KDM4C: variants seen among roughly 807,000 people sequenced by gnomAD.
KDM4C encodes lysine-specific demethylase 4C.
Under a neutral mutation model 129.3 loss-of-function variants are expected in KDM4C, and 81 were observed. That is an observed-to-expected ratio of 0.63 (90% confidence interval 0.52 to 0.75). KDM4C has a LOEUF of 0.75. Ranked by LOEUF, KDM4C falls within the 30% of genes least tolerant of loss-of-function variation. The probability of loss-of-function intolerance (pLI) is 0.00; values close to 1 mark genes in which losing one functional copy is unlikely to be tolerated. For synonymous variants in KDM4C, 573 were observed against 456.1 expected (o/e 1.26, Z -3.26); for missense variants, 1,457 against 1,304.0 (o/e 1.12, Z -1.81).
chr9:7,170,158 A>T (rs1844818395), intron 21 of KDM4C: 1 of 1,331,792 alleles, frequency 7.5e-7, no homozygotes. Context: ...AAAAATACTT[A>T]CTGAATGTGT....
chr9:6,907,920 T>C (rs1011207938), intron 8 of KDM4C, among the ~76,000 whole-genome samples: 43 of 152,336 alleles, frequency 2.8e-4, no homozygotes, highest in African/African-American at 1.0e-3. Flanking sequence ...TATTAACATA[T>C]TAAATTTTCT....
chr9:6,869,851 AAG>A (rs2130636879), intron 5 of KDM4C, among the ~76,000 whole-genome samples: 1 of 152,372 alleles, frequency 6.6e-6, no homozygotes, highest in Non-Finnish European at 1.5e-5. Flanking sequence ...ATCTGTTTTT[AAG>A]AACTGAAAAT....
chr9:6,790,915 C>T (rs528592300), intron 1 of KDM4C, among the ~76,000 whole-genome samples: 1 of 152,232 alleles, frequency 6.6e-6, no homozygotes, highest in South Asian at 2.1e-4. Flanking sequence ...ATAGTAAAAC[C>T]TGCCTACTTT....
intron 15 of KDM4C, among the ~76,000 whole-genome samples, chr9:7,021,707 G>C (rs1824894661): frequency 6.6e-6 from 1 of 152,092 alleles, no homozygotes; most frequent in African/African-American, 2.4e-5. Context: ...TGTTTATGGG[G>C]TATTACTCAA....
upstream of KDM4C, among the ~76,000 whole-genome samples, chr9:6,754,206 C>G (rs72699608): frequency 0.085 from 12,832 of 150,488 alleles, 731 homozygotes; most frequent in South Asian, 0.23. Flanking sequence ...GTTTTGTTTT[C>G]TTTTCTTTTT....
At chr9:6,823,628 A>G (rs1833397975) in intron 4 of KDM4C, among the ~76,000 whole-genome samples, 1 of 152,174 alleles carries the variant, frequency 6.6e-6, no homozygotes, top group South Asian at 2.1e-4. Flanking sequence ...CTGCCTCCAG[A>G]TCTCCAAAGG....
At chr9:7,172,047 G>C (rs1192836461) in intron 21 of KDM4C, among the ~76,000 whole-genome samples, 1 of 152,146 alleles carries the variant, frequency 6.6e-6, no homozygotes, top group Non-Finnish European at 1.5e-5. Flanking sequence ...ATAGCCCTCA[G>C]ACCCTTGGTT....
chr9:7,173,798 G>A (rs1463435441), intron 21 of KDM4C, among the ~76,000 whole-genome samples: 2 of 152,194 alleles, frequency 1.3e-5, no homozygotes, highest in African/African-American at 4.8e-5. Flanking sequence ...GATTTGAAGG[G>A]CCTCTGAGAC....
intron 2 of KDM4C, among the ~76,000 whole-genome samples, chr9:6,796,916 A>G (rs577591296): frequency 5.3e-5 from 8 of 152,130 alleles, no homozygotes; most frequent in Non-Finnish European, 7.3e-5. Flanking sequence ...TCAAGACTGC[A>G]TTAATGAAGC....
chr9:7,169,033 A>C (rs1315743039), intron 20 of KDM4C, among the ~76,000 whole-genome samples: 1 of 146,754 alleles, frequency 6.8e-6, no homozygotes, highest in Non-Finnish European at 1.5e-5. Flanking sequence ...CAACAGGGCA[A>C]GGCCCTGTCT....
At chr9:7,057,362 G>A (rs1166135090) in intron 17 of KDM4C, among the ~76,000 whole-genome samples, 1 of 152,220 alleles carries the variant, frequency 6.6e-6, no homozygotes, top group Non-Finnish European at 1.5e-5. Context: ...CAATATCAAA[G>A]TTTCTCTGCA....
At chr9:7,083,711 A>ATGTGTGTGTGTG (rs142609948) in intron 17 of KDM4C, among the ~76,000 whole-genome samples, 5,848 of 143,222 alleles carry the variant, frequency 0.041, 246 homozygotes, top group African/African-American at 0.092. Flanking sequence ...CACATGACTG[A>ATGTGTGTGTGTG]TGTGTGTGTG....
intron 4 of KDM4C, among the ~76,000 whole-genome samples, chr9:6,822,672 A>C (rs901917173): frequency 2.0e-5 from 3 of 152,254 alleles, no homozygotes; most frequent in African/African-American, 7.2e-5. Context: ...TTTACATTAA[A>C]ATACTCAGCC....
intron 8 of KDM4C, among the ~76,000 whole-genome samples, chr9:6,961,427 C>G (rs1830031671): frequency 6.6e-6 from 1 of 151,996 alleles, no homozygotes; most frequent in Non-Finnish European, 1.5e-5. Flanking sequence ...TGAAAGGTAT[C>G]CACCTACTTT....
chr9:7,041,420 C>A lies in KDM4C; in HGVS notation c.2260-5442C>A, dbSNP rs931470172. On this transcript the variant is annotated intron_variant, in intron 15 of 21. Transcript: ENST00000381309. ...CCAATCTCCCTTGGATACTGAGGGT[C>A]GACTGTACTTCCTATTCATTTGTCT... Among the ~76,000 whole-genome samples the A allele has an allele frequency of 2.6e-5, 4 of 151,878 alleles. No homozygotes were observed. In the East Asian group the frequency reaches 7.7e-4, roughly 29 times the overall value.
chr9:6,722,837 G>C (rs538223503), intron 1 of KDM4C, among the ~76,000 whole-genome samples: 12 of 152,160 alleles, frequency 7.9e-5, no homozygotes, highest in African/African-American at 2.9e-4. Flanking sequence ...TAAAAAATTA[G>C]CTGGGTGTAG....
intron 4 of KDM4C, among the ~76,000 whole-genome samples, chr9:6,830,483 C>CT (rs1834634197): frequency 6.6e-6 from 1 of 152,140 alleles, no homozygotes; most frequent in African/African-American, 2.4e-5. Flanking sequence ...TGCCAGGAGT[C>CT]TGATTCTAAA....
intron 8 of KDM4C, among the ~76,000 whole-genome samples, chr9:6,967,637 T>C (rs1831229333): frequency 6.6e-6 from 1 of 152,132 alleles, no homozygotes; most frequent in Non-Finnish European, 1.5e-5. Context: ...GGCAGGGGGC[T>C]CACCTGCACC....
chr9:6,808,309 A>G (rs1432273542), intron 3 of KDM4C, among the ~76,000 whole-genome samples: 2 of 67,074 alleles, frequency 3.0e-5, no homozygotes, highest in African/African-American at 1.8e-4. Context: ...CTGTGTAGAA[A>G]GAAGTAGACA....
Sources: allele counts gnomAD v4.1 joint callset (sites outside exome capture counted in the v4.1 genomes callset), GRCh38; gene constraint gnomAD v4.1.1; transcripts MANE v1.5; gene names NCBI Gene and HGNC (gene_info 2026-07-23, HGNC 2026-07-21).